CHD2: variants seen among roughly 807,000 people sequenced by gnomAD.
CHD2 encodes the protein ATP-dependent chromatin remodeler CHD2.
In CHD2, 28 loss-of-function variants were observed where a neutral mutation model predicts 243.9. That is an observed-to-expected ratio of 0.11 (90% CI 0.09 to 0.16). The LOEUF (loss-of-function observed/expected upper bound fraction) is 0.16, where lower values mean the gene tolerates loss of function less well. CHD2 is among the 10% of genes least tolerant of loss of function. CHD2 has a pLI of 1.00. For missense variants in CHD2, 1,386 were observed against 2,209.8 expected (o/e 0.63, Z 7.47); for synonymous variants, 775 against 779.0 (o/e 0.99, Z 0.09).
At chr15:93,021,099 G>A (rs2054530116) in intron 38 of CHD2, 1 of 152,112 alleles carries the variant, frequency 6.6e-6, no homozygotes, top group Admixed American at 6.5e-5. Context: ...GACTTTTTCT[G>A]CTGGTGATAA....
At chr15:92,924,208 C>T in intron 2 of CHD2, 113 bp from the exon 3 acceptor site, 1 of 834,552 alleles carries the variant, frequency 1.2e-6, no homozygotes, top group Non-Finnish European at 1.9e-6. Context: ...AGATTTTGGT[C>T]TTATATTACT....
intron 12 of CHD2, among the ~76,000 whole-genome samples, chr15:92,947,999 A>T (rs557810177): frequency 6.6e-6 from 1 of 152,362 alleles, no homozygotes; most frequent in Non-Finnish European, 1.5e-5. Flanking sequence ...CTATGGACAC[A>T]CATTTCAGAC....
chr15:92,964,770 A>G (rs1009584708), intron 16 of CHD2, among the ~76,000 whole-genome samples: 1 of 152,248 alleles, frequency 6.6e-6, no homozygotes, highest in Non-Finnish European at 1.5e-5. Flanking sequence ...ATATGACAAG[A>G]TTGAAAAATT....
At chr15:92,926,494 A>G (rs1056846093) in intron 3 of CHD2, among the ~76,000 whole-genome samples, 1 of 152,244 alleles carries the variant, frequency 6.6e-6, no homozygotes, top group Non-Finnish European at 1.5e-5. Flanking sequence ...TTAAAAGAAT[A>G]CAGAATATAC....
Position 93,024,589 on chromosome 15 carries a change from C to G in CHD2, c.5371C>G (p.Pro1791Ala), listed in dbSNP as rs1273588349. The change falls in exon 39 of 39, where the codon CCT (proline) becomes GCT (alanine). Residue 1791 changes from proline (P) to alanine (A), a missense_variant. By Grantham distance (27) the Pro-to-Ala change is conservative. Around this residue, in one of 19 missense-constraint regions of CHD2, gnomAD observed 347 missense variants for 341.6 expected, o/e 1.02. Transcript: ENST00000394196. ...HPAVSDPRSPPSQKSPHDSKS... is the reference protein window; with the variant it reads ...HPAVSDPRSPASQKSPHDSKS... The stretch of plus-strand genomic sequence containing the variant: ...TGCAGTCTCAGATCCTCGCTCACCC[C>G]CTTCTCAGAAATCTCCTCACGATTC... 4.3e-6 allele frequency: 7 copies of G among 1,614,194 alleles called. No individual in the cohort carries two copies. The highest frequency in any genetic ancestry group is 1.1e-5 in the South Asian group (1 of 91,082).
At chr15:92,956,763 A>G (rs1166057801) in intron 16 of CHD2, 114 bp downstream of exon 16, 6 of 966,420 alleles carry the variant, frequency 6.2e-6, no homozygotes, top group Non-Finnish European at 7.5e-6. Flanking sequence ...GGGAAAGCAA[A>G]GCGTCAAATG....
chr15:93,003,413 T>C (rs1764609358), intron 33 of CHD2, among the ~76,000 whole-genome samples: 1 of 152,220 alleles, frequency 6.6e-6, no homozygotes, highest in African/African-American at 2.4e-5. Flanking sequence ...TAGACCATAC[T>C]GTGATAAATA....
In CHD2 at chr15:92,946,427, TTAGAAA is replaced by T. The variant is rs1167027299; in HGVS notation, c.1377+216_1377+221del. 1.8e-5 allele frequency: 7 copies of T among 391,064 alleles called. No homozygotes were observed. In the East Asian group the frequency reaches 1.9e-4, roughly 11 times the overall value. 24.2% of individuals were successfully genotyped at this position (391,064 alleles called of 1,614,324 possible). ...TTGTTTAATCTTGCAATTTACATAATTAGAAATAGAGATATTTGAGAGAATACTTGA... is the reference window on the plus strand; with the variant it reads ...TTGTTTAATCTTGCAATTTACATAATTAGAGATATTTGAGAGAATACTTGA... On this transcript the variant is annotated intron_variant, in intron 12 of 38. Coordinates refer to ENST00000394196, the MANE Select transcript of CHD2 (RefSeq NM_001271.4).
chr15:93,001,489 G>A (rs2054255429), intron 32 of CHD2, among the ~76,000 whole-genome samples: 1 of 152,178 alleles, frequency 6.6e-6, no homozygotes, highest in African/African-American at 2.4e-5. Flanking sequence ...GCATGGATTT[G>A]AGTCATACAT....
intron 2 of CHD2, chr15:92,904,748 C>T (rs1208633331): frequency 1.4e-6 from 2 of 1,387,400 alleles, no homozygotes; most frequent in South Asian, 1.7e-5. Context: ...TTTACATTTT[C>T]CCTTTTCATA....
intron 28 of CHD2, chr15:92,993,374 G>A (rs2054145753): frequency 5.9e-6 from 1 of 170,320 alleles, no homozygotes. Flanking sequence ...GATATATATT[G>A]TGCGTTATGG....
At chr15:92,913,982 G>A (rs138737827) in intron 2 of CHD2, among the ~76,000 whole-genome samples, 7 of 152,280 alleles carry the variant, frequency 4.6e-5, no homozygotes, top group Middle Eastern at 3.4e-3. Context: ...CTCCCATGAC[G>A]TTATGGGCAT....
chr15:93,004,532 T>A, intron 33 of CHD2, 85 bp from the exon 34 acceptor site: 2 of 1,303,608 alleles, frequency 1.5e-6, no homozygotes, highest in South Asian at 4.0e-5. Flanking sequence ...TTACCCATTT[T>A]AATAACACAA....
intron 38 of CHD2, among the ~76,000 whole-genome samples, chr15:93,022,895 C>T (rs186305071): frequency 6.6e-6 from 1 of 152,318 alleles, no homozygotes; most frequent in East Asian, 1.9e-4. Context: ...TGTCTGGTGT[C>T]TTGAAAACCA....
intron 4 of CHD2, among the ~76,000 whole-genome samples, chr15:92,928,538 T>G (rs1160635975): frequency 6.6e-6 from 1 of 152,268 alleles, no homozygotes; most frequent in Admixed American, 6.5e-5. Context: ...TTGGTGCCTT[T>G]AAGGCACACT....
chr15:92,941,064 C>T (rs1461118838), intron 7 of CHD2, among the ~76,000 whole-genome samples: 3 of 147,342 alleles, frequency 2.0e-5, no homozygotes, highest in South Asian at 2.1e-4. Context: ...TGCAGTGGCG[C>T]GATCTTGGAT....
At chr15:93,014,626 T>G in intron 36 of CHD2, 70 bp from the exon 37 acceptor site, 2 of 1,385,542 alleles carry the variant, frequency 1.4e-6, no homozygotes, top group Non-Finnish European at 2.0e-6. Context: ...TTAGAGGTGA[T>G]AGCCTTTATT....
rs184611897 is a variant in CHD2, at chr15:93,009,340, C to T, written c.4592+17C>T. 39 of 1,607,840 alleles carry T rather than the reference C, an allele frequency of 2.4e-5. No homozygotes were observed. In the Middle Eastern group the frequency reaches 1.5e-3, roughly 62 times the overall value. ...CTGGAGGAGGTAACCACTTTGGCCT[C>T]GTCTGCCCAGTTTGATTTGACTGAG... is the stretch of plus-strand genomic sequence containing the variant. On this transcript the variant is annotated intron_variant, in intron 35 of 38. Coordinates refer to ENST00000394196, the MANE Select transcript of CHD2 (RefSeq NM_001271.4).
At chr15:92,935,268 C>T (rs1422512194) in intron 5 of CHD2, among the ~76,000 whole-genome samples, 2 of 152,134 alleles carry the variant, frequency 1.3e-5, no homozygotes, top group Non-Finnish European at 2.9e-5. Flanking sequence ...AATCTACTGA[C>T]CTCGTGATCC....
Sources: gnomAD v4.1 joint callset for allele counts (sites outside exome capture counted in the v4.1 genomes callset) on GRCh38, gnomAD v4.1.1 for gene constraint, gnomAD v4.1.1 regional missense constraint, MANE v1.5 for transcripts, NCBI Gene and HGNC (gene_info 2026-07-23, HGNC 2026-07-21) for gene names.